TSEN2: variants seen among roughly 807,000 people sequenced by gnomAD.
TSEN2 encodes the protein tRNA splicing endonuclease subunit 2, also known as tRNA-splicing endonuclease subunit Sen2.
Under a neutral mutation model 59.2 loss-of-function variants are expected in TSEN2, and 54 were observed. That is an observed-to-expected ratio of 0.91 (90% CI 0.73 to 1.14). The LOEUF (loss-of-function observed/expected upper bound fraction) is 1.14, where lower values mean the gene tolerates loss of function less well. TSEN2 is among the 50% of genes most tolerant of loss of function. TSEN2 has a pLI of 0.00. For synonymous variants in TSEN2, 195 were observed against 198.2 expected, an observed-to-expected ratio of 0.98 and a Z score of 0.14; for missense variants, 636 against 576.2, an observed-to-expected ratio of 1.10 and a Z score of -1.06.
At chr3:12,516,883 G>A (rs571205949) in intron 7 of TSEN2, among the ~76,000 whole-genome samples, 2 of 152,228 alleles carry the variant, frequency 1.3e-5, no homozygotes, top group African/African-American at 2.4e-5. Flanking sequence ...CTCAAAACTA[G>A]GAGAAGTACA....
At chr3:12,527,655 A>G (rs1378344740) in intron 8 of TSEN2, among the ~76,000 whole-genome samples, 2 of 152,054 alleles carry the variant, frequency 1.3e-5, no homozygotes, top group African/African-American at 4.8e-5. Context: ...TATAAACCCT[A>G]AGTCTCAGGG....
intron 6 of TSEN2, among the ~76,000 whole-genome samples, chr3:12,510,823 T>A (rs370648493): frequency 1.3e-5 from 2 of 152,226 alleles, no homozygotes; most frequent in East Asian, 3.8e-4. Context: ...TCTAAACTTC[T>A]GAAAATTTTC....
downstream of TSEN2, among the ~76,000 whole-genome samples, chr3:12,534,136 A>G (rs2057613279): frequency 1.3e-5 from 2 of 152,186 alleles, no homozygotes. Context: ...GGTGGTTAAC[A>G]AGGAAGGCCA....
chr3:12,531,837 A>C (rs299641), intron 11 of TSEN2, among the ~76,000 whole-genome samples, 178 bp downstream of exon 11: 1 of 151,894 alleles, frequency 6.6e-6, no homozygotes, highest in Non-Finnish European at 1.5e-5. Flanking sequence ...CACGAAATCT[A>C]TGCTGACTTC....
chr3:12,481,921 G>GTGT (rs2052198098), upstream of TSEN2, among the ~76,000 whole-genome samples: 1 of 93,032 alleles, frequency 1.1e-5, no homozygotes. Context: ...GTGTGTGTCT[G>GTGT]CGTATATATA....
chr3:12,511,559 G>C (rs1415731120), intron 6 of TSEN2, among the ~76,000 whole-genome samples: 1 of 141,388 alleles, frequency 7.1e-6, no homozygotes, highest in Non-Finnish European at 1.5e-5. Context: ...AGAAAACAAG[G>C]ATAATTATGC....
chr3:12,528,238 A>G (rs1405920009), intron 8 of TSEN2, among the ~76,000 whole-genome samples: 1 of 152,164 alleles, frequency 6.6e-6, no homozygotes, highest in Non-Finnish European at 1.5e-5. Flanking sequence ...TCCACATTCT[A>G]TGAATTTTAC....
intron 8 of TSEN2, among the ~76,000 whole-genome samples, chr3:12,520,052 C>T (rs2056503333): frequency 6.6e-6 from 1 of 151,454 alleles, no homozygotes; most frequent in Non-Finnish European, 1.5e-5. Flanking sequence ...GGCTGGAGTG[C>T]CAGTGGCACA....
chr3:12,516,702 CTGT>C, intron 7 of TSEN2, 41 bp downstream of exon 7: 1 of 1,587,300 alleles, frequency 6.3e-7, no homozygotes, highest in Non-Finnish European at 8.7e-7. Flanking sequence ...TAAAATTTCC[CTGT>C]TGTTAAAAGC....
At chr3:12,520,894 G>A (rs1226266721) in intron 8 of TSEN2, among the ~76,000 whole-genome samples, 1 of 152,092 alleles carries the variant, frequency 6.6e-6, no homozygotes, top group Non-Finnish European at 1.5e-5. Flanking sequence ...CAGGTACTAG[G>A]CCTAGTACCC....
At chr3:12,511,139 C>G (rs1354202499) in intron 6 of TSEN2, 1 of 152,350 alleles carries the variant, frequency 6.6e-6, no homozygotes, top group East Asian at 1.9e-4. Context: ...ACTCCAAGTA[C>G]TAACCAGGCC....
intron 8 of TSEN2, among the ~76,000 whole-genome samples, chr3:12,520,569 C>G (rs781429876): frequency 6.6e-6 from 1 of 152,170 alleles, no homozygotes; most frequent in Non-Finnish European, 1.5e-5. Flanking sequence ...GCGGGCAGAT[C>G]GCTTGAGGTC....
rs1448386196 is a variant in TSEN2 at position 12,516,520 on chromosome 3, A to G, written c.910-91A>G. On this transcript the variant is annotated intron_variant, in intron 6 of 11. Coordinates refer to ENST00000284995, the MANE Select transcript of TSEN2 (RefSeq NM_025265.4). ...TTGATGATGACTTAAGAGCATTTGT[A>G]TTTGAGGTGAAAAGAGATCAGTCTG... The G allele has an allele frequency of 6.3e-6, 7 of 1,112,720 alleles. No individual in the cohort carries two copies. The Admixed American group carries it at 1.3e-4, about 20-fold the overall frequency. 68.9% of individuals were successfully genotyped at this position (1,112,720 alleles called of 1,614,324 possible). A position where few individuals can be genotyped will look rare whatever the true frequency, so the allele number is the denominator to read the frequency against.
chr3:12,529,465 CAAA>C (rs36043558), intron 9 of TSEN2, among the ~76,000 whole-genome samples: 2 of 105,708 alleles, frequency 1.9e-5, no homozygotes. Context: ...GACTCCGTCT[CAAA>C]AAAAAAAAAA....
intron 6 of TSEN2, among the ~76,000 whole-genome samples, chr3:12,509,733 T>C (rs1250212870): frequency 6.6e-6 from 1 of 152,154 alleles, no homozygotes; most frequent in Admixed American, 6.5e-5. Context: ...AGTTCGGATT[T>C]GTTAGAGCAC....
chr3:12,521,017 T>C (rs1204171743), intron 8 of TSEN2, among the ~76,000 whole-genome samples: 1 of 152,198 alleles, frequency 6.6e-6, no homozygotes, highest in Non-Finnish European at 1.5e-5. Flanking sequence ...TAATTCCCAC[T>C]TACAAGTAAG....
Position 12,487,381 on chromosome 3 carries a change from T to C in TSEN2, c.-17-2403T>C, listed in dbSNP as rs183805780. Among the ~76,000 whole-genome samples the C allele has an allele frequency of 5.3e-5, 8 of 152,334 alleles. No individual in the cohort carries two copies. The East Asian group carries it at 1.5e-3, about 29-fold the overall frequency. On this transcript the variant is annotated intron_variant, in intron 1 of 11. Coordinates refer to ENST00000284995, the MANE Select transcript of TSEN2 (RefSeq NM_025265.4). ...TGTCACAGCTAAATCTTGCCTTTTT[T>C]AGATGTGACAGCAGTCTGAGAGGGA...
intron 4 of TSEN2, among the ~76,000 whole-genome samples, chr3:12,497,119 C>G (rs2053831257): frequency 6.6e-6 from 1 of 152,210 alleles, no homozygotes; most frequent in African/African-American, 2.4e-5. Context: ...CTCTGGCCCC[C>G]ACAGCCCTCT....
chr3:12,507,372 G>C (rs2054950933), intron 6 of TSEN2, among the ~76,000 whole-genome samples: 1 of 152,126 alleles, frequency 6.6e-6, no homozygotes, highest in Admixed American at 6.5e-5. Context: ...TTAGATGTTT[G>C]GCCTGTCAGA....
Sources: allele counts gnomAD v4.1 joint callset (sites outside exome capture counted in the v4.1 genomes callset), GRCh38; gene constraint gnomAD v4.1.1; transcripts MANE v1.5; gene names NCBI Gene and HGNC (gene_info 2026-07-23, HGNC 2026-07-21).